ACSM2B: variants seen among roughly 807,000 people sequenced by gnomAD.
ACSM2B encodes acyl-CoA synthetase medium chain family member 2B.
A neutral mutation model predicts 78.6 loss-of-function variants in ACSM2B; 58 were observed. The ratio of observed to expected loss-of-function variants is 0.74; its 90% CI spans 0.60 to 0.92. The LOEUF is 0.92. Ranked by LOEUF, ACSM2B falls within the 40% of genes least tolerant of loss-of-function variation. The pLI, the probability that ACSM2B is intolerant of heterozygous loss-of-function variation, is 0.00. For synonymous variants in ACSM2B, 257 were observed against 256.8 expected, an observed-to-expected ratio of 1.00 and a Z score of -0.01; for missense variants, 688 against 711.2, an observed-to-expected ratio of 0.97 and a Z score of 0.37.
chr16:20,549,091 A>G lies in ACSM2B; in HGVS notation c.895-618T>C, dbSNP rs565919944. Among the ~76,000 whole-genome samples, 881 of 152,224 alleles carry G rather than the reference A, an allele frequency of 5.8e-3. 12 individuals carry two copies. Among genetic ancestry groups the G allele is most frequent in the African/African-American group, 0.02 (818 of 41,518 alleles). Reference sequence around the variant, plus strand: ...CTATCATCCTCATGATACAGAGGGGAAACCCATGATGTACAAGGTTAAGTA... The same window carrying G: ...CTATCATCCTCATGATACAGAGGGGGAACCCATGATGTACAAGGTTAAGTA... On this transcript the variant is annotated intron_variant, in intron 6 of 13. Transcript: ENST00000329697.
chr16:20,544,288 G>A (rs573796538), intron 10 of ACSM2B, among the ~76,000 whole-genome samples: 7 of 152,160 alleles, frequency 4.6e-5, no homozygotes, highest in Non-Finnish European at 7.4e-5. Context: ...ACACACTCAC[G>A]ACACACAACT....
At chr16:20,568,800 G>C (rs1356982771) in intron 1 of ACSM2B, among the ~76,000 whole-genome samples, 2 of 151,746 alleles carry the variant, frequency 1.3e-5, no homozygotes, top group Non-Finnish European at 2.9e-5. Flanking sequence ...GTTTTGATTT[G>C]CATTTCCCTG....
rs1415975056 is a variant in ACSM2B at position 20,548,045 on chromosome 16, C to T, written c.1098+17G>A. 2.5e-6 allele frequency: 4 copies of T among 1,613,560 alleles called. No individual in the cohort carries two copies. The highest frequency in any genetic ancestry group is 1.3e-5 in the African/African-American group (1 of 74,884). On this transcript the variant is annotated intron_variant, in intron 8 of 13. Transcript: ENST00000329697. ...CAAAAAGTGCACACAGCCCATGGTTCCCCTGGGAACAGGTACCGTTTCTGT... is the reference window on the plus strand; with the variant it reads ...CAAAAAGTGCACACAGCCCATGGTTTCCCTGGGAACAGGTACCGTTTCTGT...
chr16:20,572,086 T>C (rs1257857847), intron 1 of ACSM2B, among the ~76,000 whole-genome samples: 4 of 151,088 alleles, frequency 2.6e-5, no homozygotes, highest in Non-Finnish European at 5.9e-5. Flanking sequence ...AGTATTGAGA[T>C]GTCAGGTACT....
chr16:20,540,764 C>T lies in ACSM2B; in HGVS notation c.1519G>A (p.Ala507Thr). 1 of 1,613,762 alleles carries T rather than the reference C, an allele frequency of 6.2e-7. No individual in the cohort carries two copies. The change falls in exon 13 of 14, where the codon GCA (alanine) becomes ACA (threonine). Residue 507 changes from alanine to threonine, a missense_variant. By Grantham distance (58) the Ala-to-Thr change is moderately conservative (BLOSUM62 0). Transcript: ENST00000329697. Reference protein sequence around the residue: ...PDPVRGEVVKAFVILASQFLS... With the variant: ...PDPVRGEVVKTFVILASQFLS... ...AACTGCGAGGCCAGGATCACAAATG[C>T]CTTCACCACCTGCAAAATAGATGAA...
At chr16:20,567,424 T>C (rs1341408985) in intron 1 of ACSM2B, among the ~76,000 whole-genome samples, 9 of 118,888 alleles carry the variant, frequency 7.6e-5, no homozygotes, top group African/African-American at 2.7e-4. Flanking sequence ...TATAATATAG[T>C]ATATTAATAT....
intron 1 of ACSM2B, chr16:20,574,074 A>T (rs1418494497): frequency 6.6e-6 from 1 of 152,168 alleles, no homozygotes; most frequent in African/African-American, 2.4e-5. Context: ...CAACCGCATA[A>T]GACAAACACT....
In ACSM2B at chr16:20,537,579, A is replaced by T. The variant is rs556474158; in HGVS notation, c.1630-217T>A. ...AGGTATTTGACATATTTTCAGACAG[A>T]GGAGGAGCAGCATAACAGACACACA... On this transcript the variant is annotated intron_variant, in intron 13 of 13. Coordinates refer to ENST00000329697, the MANE Select transcript of ACSM2B (RefSeq NM_001105069.2). 8.5e-5 allele frequency among the ~76,000 whole-genome samples: 13 copies of T among 152,300 alleles called. No individual in the cohort carries two copies. In the South Asian group the frequency reaches 2.7e-3, roughly 32 times the overall value.
rs1567218261 is a variant in ACSM2B, at chr16:20,566,681, A to ATAATATATACT, written c.-8-1829_-8-1828insAGTATATATTA. Among the ~76,000 whole-genome samples the ATAATATATACT allele has an allele frequency of 1.6e-3, 5 of 3,222 alleles. 1 individual carries two copies. Among genetic ancestry groups the ATAATATATACT allele is most frequent in the African/African-American group, 3.5e-3 (5 of 1,438 alleles). 2.1% of individuals were successfully genotyped at this position (3,222 alleles called of 152,430 possible). On this transcript the variant is annotated intron_variant, in intron 1 of 13. Coordinates refer to ENST00000329697, the MANE Select transcript of ACSM2B (RefSeq NM_001105069.2). ...ATATGTATATATAGTATATACATAT[A>ATAATATATACT]GTATATACTATATATAGTATATATA...
chr16:20,569,852 T>C (rs1391085819), intron 1 of ACSM2B, among the ~76,000 whole-genome samples: 1 of 151,930 alleles, frequency 6.6e-6, no homozygotes, highest in Non-Finnish European at 1.5e-5. Flanking sequence ...TTGATTTAAT[T>C]CTCAGCTTGG....
chr16:20,561,851 T>G (rs987678127), intron 2 of ACSM2B, among the ~76,000 whole-genome samples: 2 of 142,188 alleles, frequency 1.4e-5, no homozygotes, highest in Admixed American at 6.9e-5. Context: ...TCGCCTAATG[T>G]TATCCCTCCC....
At chr16:20,538,248 G>A (rs1437364401) in intron 13 of ACSM2B, among the ~76,000 whole-genome samples, 1 of 152,198 alleles carries the variant, frequency 6.6e-6, no homozygotes, top group African/African-American at 2.4e-5. Context: ...TTGTGGAGAA[G>A]AGTTTATTCA....
At chr16:20,566,247 TTATATATATATATATA>T (rs200052689) in intron 1 of ACSM2B, among the ~76,000 whole-genome samples, 1,080 of 69,960 alleles carry the variant, frequency 0.015, 30 homozygotes, top group African/African-American at 0.052. Flanking sequence ...TCATGGAAGA[TTATATATATATATATA>T]TATATATATA....
At chr16:20,566,385 T>C (rs1275323075) in intron 1 of ACSM2B, among the ~76,000 whole-genome samples, 158 of 132,922 alleles carry the variant, frequency 1.2e-3, no homozygotes, top group Non-Finnish European at 2.1e-3. Context: ...ATATATATAC[T>C]ACATTATATG....
rs2015336765 is a variant in ACSM2B, at chr16:20,552,258, T to C, written c.780A>G (p.Ile260Met). Residue 260 changes from isoleucine (I) to methionine (M), a missense_variant, in exon 6 of 14, where the codon ATA (isoleucine) becomes ATG (methionine). Physicochemically the swap from Ile to Met is conservative, Grantham distance 10. Coordinates refer to ENST00000329697, the MANE Select transcript of ACSM2B (RefSeq NM_001105069.2). ...TGTTCAGTATCCAACCTGTGTCTGA[T>C]ATGGTCCACATTATATCAGAGGCTT... ...GLQASDIMWT[I>M]SDTGWILNIL... 1.9e-6 allele frequency: 3 copies of C among 1,613,700 alleles called. No individual in the cohort carries two copies. Among genetic ancestry groups the C allele is most frequent in the African/African-American group, 2.7e-5 (2 of 74,896 alleles).
chr16:20,542,709 C>G (rs1272315676), intron 12 of ACSM2B: 2 of 649,588 alleles, frequency 3.1e-6, no homozygotes, highest in Admixed American at 3.0e-5. Context: ...ACATTTAACC[C>G]TCATAACAAT....
intron 1 of ACSM2B, among the ~76,000 whole-genome samples, chr16:20,570,608 T>G (rs1422593729): frequency 6.6e-6 from 1 of 151,742 alleles, no homozygotes; most frequent in Non-Finnish European, 1.5e-5. Context: ...CTCTTTATCT[T>G]GTGGAATAGC....
intron 8 of ACSM2B, chr16:20,547,161 A>C: frequency 9.8e-7 from 1 of 1,015,644 alleles, no homozygotes; most frequent in Non-Finnish European, 1.2e-6. Context: ...GGAAAGGGCA[A>C]GTTGATTGAC....
At position 20,559,200 on chromosome 16, in the gene ACSM2B, G is replaced by A. The variant is rs370716308; in HGVS notation, c.388+37C>T. 5.8e-4 allele frequency: 892 copies of A among 1,525,394 alleles called. 7 individuals carry two copies. In the African/African-American group the frequency reaches 0.011, roughly 19 times the overall value. The allele number at this position is 1,525,394 out of a possible 1,614,324, so 94.5% of individuals were successfully genotyped here. ...TCTCTGCTATCAGTTTTCTTCACAA[G>A]GAAGACAGTTCTCTGTCCAGGTAGT... On this transcript the variant is annotated intron_variant, in intron 3 of 13. Coordinates refer to ENST00000329697, the MANE Select transcript of ACSM2B (RefSeq NM_001105069.2).
Sources: allele counts gnomAD v4.1 joint callset (sites outside exome capture counted in the v4.1 genomes callset), GRCh38; gene constraint gnomAD v4.1.1; transcripts MANE v1.5; gene names NCBI Gene and HGNC (gene_info 2026-07-23, HGNC 2026-07-21).